FGF13: variants seen among roughly 807,000 people sequenced by gnomAD.
FGF13 encodes the protein fibroblast growth factor 13.
FGF13 carries 2 observed loss-of-function variants against 19.5 expected under a neutral mutation model. The ratio of observed to expected loss-of-function variants is 0.10; its 90% CI spans 0.04 to 0.32. The LOEUF is 0.32. FGF13 is among the 10% of genes least tolerant of loss of function. FGF13 has a pLI of 1.00. For synonymous variants in FGF13, 72 were observed against 76.9 expected, an observed-to-expected ratio of 0.94 and a Z score of 0.33; for missense variants, 113 against 192.7, an observed-to-expected ratio of 0.59 and a Z score of 2.45.
intron 1 of FGF13, among the ~76,000 whole-genome samples, chrX:138,865,062 A>C (rs2091310048): frequency 8.9e-6 from 1 of 111,950 alleles, no homozygotes; most frequent in Non-Finnish European, 1.9e-5. Flanking sequence ...ATTGGCATTT[A>C]TAACAAGTTC....
At chrX:138,978,843 T>C (rs889721524) in intron 1 of FGF13, among the ~76,000 whole-genome samples, 12 of 111,629 alleles carry the variant, frequency 1.1e-4, no homozygotes, top group Non-Finnish European at 2.3e-4. Flanking sequence ...TTTGAGATAA[T>C]GGAGTAAAAA....
At position 138,902,859 on chromosome X, in the gene FGF13, A is replaced by G. The variant is rs749188132; in HGVS notation, c.-112-38209T>C. 1.1e-4 allele frequency among the ~76,000 whole-genome samples: 12 copies of G among 111,680 alleles called. No individual in the cohort carries two copies. The South Asian group carries it at 4.5e-3, about 42-fold the overall frequency. On this transcript the variant is annotated intron_variant, in intron 1 of 2. Coordinates refer to the FGF13 transcript ENST00000421460. ...AATCATGTATAAGTGCCTTTAAGGA[A>G]CCCATTACCACATTTGACTAAACAT...
chrX:138,732,782 G>T (rs1203878189), intron 1 of FGF13, among the ~76,000 whole-genome samples: 1 of 111,138 alleles, frequency 9.0e-6, no homozygotes, highest in Non-Finnish European at 1.9e-5. Flanking sequence ...ATACACAACT[G>T]CTTGTGTATG....
intron 3 of FGF13, among the ~76,000 whole-genome samples, chrX:138,748,804 T>C (rs1314439560): frequency 8.9e-6 from 1 of 111,903 alleles, no homozygotes; most frequent in Non-Finnish European, 1.9e-5. Context: ...TATTGTATTG[T>C]ATACTTAAAA....
At chrX:139,140,064 C>T (rs1280226832) in intron 1 of FGF13, among the ~76,000 whole-genome samples, 2 of 111,348 alleles carry the variant, frequency 1.8e-5, no homozygotes, top group African/African-American at 3.3e-5. Flanking sequence ...CAAGATCATC[C>T]ATAATCCAGG....
chrX:138,783,942 T>G (rs777681430), intron 3 of FGF13, among the ~76,000 whole-genome samples: 6 of 104,332 alleles, frequency 5.8e-5, no homozygotes, highest in Non-Finnish European at 7.9e-5. Flanking sequence ...TAGACTGGAT[T>G]AAGAAAATGT....
intron 3 of FGF13, among the ~76,000 whole-genome samples, chrX:138,827,567 A>G: frequency 9.0e-6 from 1 of 111,507 alleles, no homozygotes; most frequent in Non-Finnish European, 1.9e-5. Flanking sequence ...AACAATAGTT[A>G]GAATAGCTAG....
chrX:138,696,670 C>T (rs1187144388), intron 3 of FGF13, among the ~76,000 whole-genome samples: 2 of 111,908 alleles, frequency 1.8e-5, no homozygotes, highest in Admixed American at 9.5e-5. Flanking sequence ...TTTTGTTGGA[C>T]GGGTCATCTC....
At chrX:138,980,242 T>C (rs2091957833) in intron 1 of FGF13, among the ~76,000 whole-genome samples, 1 of 111,443 alleles carries the variant, frequency 9.0e-6, no homozygotes, top group African/African-American at 3.3e-5. Flanking sequence ...CAGTCTGGGC[T>C]TCTCTAATGT....
intron 1 of FGF13, among the ~76,000 whole-genome samples, chrX:138,915,465 C>T (rs2091613223): frequency 8.9e-6 from 1 of 112,218 alleles, no homozygotes; most frequent in Admixed American, 9.4e-5. Flanking sequence ...CTATGTTCTA[C>T]AAGCAGCTTT....
rs184727374 is a variant in FGF13, at chrX:139,045,934, G to A, written c.-113+157482C>T. 1.2e-3 allele frequency among the ~76,000 whole-genome samples: 130 copies of A among 111,612 alleles called. 3 individuals are homozygous for A. The highest frequency in any genetic ancestry group is 1.8e-3 in the Non-Finnish European group (94 of 53,175). The stretch of plus-strand genomic sequence containing the variant: ...CTCTAAACTCTTCCAACCTATGCTC[G>A]TTACCCAGTTCCAAAGTTGCTTCCA... On this transcript the variant is annotated intron_variant, in intron 1 of 2. Transcript: ENST00000421460.
intron 1 of FGF13, among the ~76,000 whole-genome samples, chrX:138,888,456 C>T (rs920880267): frequency 9.0e-6 from 1 of 110,561 alleles, no homozygotes; most frequent in Non-Finnish European, 1.9e-5. Context: ...TAGCATGGAA[C>T]CTGGCTTAGT....
At chrX:139,180,234 T>A (rs2084228135) in intron 1 of FGF13, among the ~76,000 whole-genome samples, 1 of 112,165 alleles carries the variant, frequency 8.9e-6, no homozygotes, top group Non-Finnish European at 1.9e-5. Context: ...TATTTTATAC[T>A]CTTCCAAGCT....
intron 1 of FGF13, among the ~76,000 whole-genome samples, chrX:139,076,144 G>A (rs1480220002): frequency 1.8e-5 from 2 of 111,351 alleles, no homozygotes; most frequent in Non-Finnish European, 3.8e-5. Flanking sequence ...CTCCATGCAT[G>A]ACGATAGCCT....
At chrX:138,812,474 A>T (rs1441051243) in intron 3 of FGF13, among the ~76,000 whole-genome samples, 1 of 110,920 alleles carries the variant, frequency 9.0e-6, no homozygotes, top group East Asian at 2.8e-4. Flanking sequence ...AAACTTTTTA[A>T]GTGGTTTACC....
Position 139,072,009 on chromosome X carries a change from C to CAAAAAAA in FGF13, c.-113+131400_-113+131406dup, listed in dbSNP as rs547217409. Among the ~76,000 whole-genome samples, 81 of 24,828 alleles carry CAAAAAAA rather than the reference C, an allele frequency of 3.3e-3. 4 individuals carry two copies. Among genetic ancestry groups the CAAAAAAA allele is most frequent in the African/African-American group, 0.013 (77 of 5,972 alleles). The allele number at this position is 24,828 out of a possible 115,157, so 21.6% of individuals were successfully genotyped here. A position where few individuals can be genotyped will look rare whatever the true frequency, so the allele number is the denominator to read the frequency against. On this transcript the variant is annotated intron_variant, in intron 1 of 2. Transcript: ENST00000421460. ...CCAGCCACAGAGCGAGATTCCATCT[C>CAAAAAAA]AAAAAAAAAAAAAAAAAAAAAAGCC...
chrX:138,708,986 G>T (rs1484420193), intron 1 of FGF13, 58 bp from the exon 2 acceptor site: 2 of 611,847 alleles, frequency 3.3e-6, no homozygotes, highest in South Asian at 4.0e-5. Flanking sequence ...TAGTTGAAAA[G>T]ACTAGGAATT....
chrX:139,143,077 C>T (rs73633977), intron 1 of FGF13, among the ~76,000 whole-genome samples: 6,847 of 112,143 alleles, frequency 0.061, 519 homozygotes, highest in African/African-American at 0.21. Flanking sequence ...GGGCTTAGCA[C>T]TGTGAACACT....
chrX:139,036,236 A>G (rs2092250158), intron 1 of FGF13, among the ~76,000 whole-genome samples: 1 of 111,437 alleles, frequency 9.0e-6, no homozygotes, highest in Non-Finnish European at 1.9e-5. Flanking sequence ...ATCAAACAAG[A>G]GCCCAGATGC....
Sources: allele counts gnomAD v4.1 joint callset (sites outside exome capture counted in the v4.1 genomes callset), GRCh38; gene constraint gnomAD v4.1.1; transcripts MANE v1.5; gene names NCBI Gene and HGNC (gene_info 2026-07-23, HGNC 2026-07-21).